AOPEP: variants seen among roughly 807,000 people sequenced by gnomAD.
AOPEP encodes aminopeptidase O.
Under a neutral mutation model 98.1 loss-of-function variants are expected in AOPEP, and 77 were observed. The observed-to-expected ratio is 0.78, with a 90% CI of 0.65 to 0.95. The LOEUF is 0.95. Ranked by LOEUF, AOPEP falls within the 40% of genes least tolerant of loss-of-function variation. The probability of loss-of-function intolerance (pLI) is 0.00; values close to 1 mark genes in which losing one functional copy is unlikely to be tolerated. For synonymous variants in AOPEP, 346 were observed against 365.3 expected, an observed-to-expected ratio of 0.95 and a Z score of 0.60; for missense variants, 1,024 against 1,024.7, an observed-to-expected ratio of 1.00 and a Z score of 0.01.
chr9:94,808,928 T>C (rs1325140792), intron 5 of AOPEP, among the ~76,000 whole-genome samples: 1 of 152,224 alleles, frequency 6.6e-6, no homozygotes, highest in Non-Finnish European at 1.5e-5. Context: ...AGGATGGTGC[T>C]TTTCTTTGGG....
intron 9 of AOPEP, among the ~76,000 whole-genome samples, chr9:94,957,820 C>T (rs1322361525): frequency 6.6e-6 from 1 of 152,182 alleles, no homozygotes; most frequent in Non-Finnish European, 1.5e-5. Context: ...ACTTTTGTGT[C>T]TAGCTTTATT....
rs866193964 is a variant in AOPEP, at chr9:94,930,199, C to T, written c.1661+1668C>T. ...TGGAGTGCCTGTGACAGATGCAAGA[C>T]GCAGACCTATTTGAAATGTGTTTTG... On this transcript the variant is annotated intron_variant, in intron 7 of 16. Coordinates refer to ENST00000375315, the MANE Select transcript of AOPEP (RefSeq NM_001193329.3). The surrounding 1 kb of genome is among the most constrained non-coding windows in gnomAD (Gnocchi z 4.5). Among the ~76,000 whole-genome samples the T allele has an allele frequency of 3.3e-4, 50 of 152,190 alleles. No homozygotes were observed. Among genetic ancestry groups the T allele is most frequent in the African/African-American group, 1.1e-3 (44 of 41,448 alleles).
rs1587939863 is a variant in AOPEP, at chr9:95,077,982, A to G, written c.2233-2712A>G. ...TGTCTTCTCAGCATCCTGTCGCCGA[A>G]ATATTGACATACACTTAGCTCTTTA... On this transcript the variant is annotated intron_variant, in intron 14 of 16. Coordinates refer to ENST00000375315, the MANE Select transcript of AOPEP (RefSeq NM_001193329.3). 3.3e-5 allele frequency among the ~76,000 whole-genome samples: 5 copies of G among 152,300 alleles called. 1 individual carries two copies. Among genetic ancestry groups the G allele is most frequent in the Admixed American group, 3.3e-4 (5 of 15,286 alleles).
intron 16 of AOPEP, 87 bp downstream of exon 16, chr9:95,082,806 G>A (rs2069992794): frequency 1.0e-5 from 15 of 1,457,140 alleles, no homozygotes; most frequent in Non-Finnish European, 1.4e-5. Flanking sequence ...CGAATAGTTA[G>A]CCAAGACTAC....
intron 13 of AOPEP, chr9:95,018,926 G>A (rs187545030): frequency 2.0e-5 from 3 of 152,320 alleles, no homozygotes; most frequent in East Asian, 1.9e-4. Flanking sequence ...CACAGAAGGC[G>A]GTGGAAGGCT....
chr9:94,973,456 A>G (rs988844237), intron 10 of AOPEP, among the ~76,000 whole-genome samples: 1 of 152,258 alleles, frequency 6.6e-6, no homozygotes, highest in South Asian at 2.1e-4. Context: ...CTGGCTTTAC[A>G]CACAGCTTGT....
At chr9:95,051,252 G>C (rs773039119) in intron 13 of AOPEP, among the ~76,000 whole-genome samples, 1 of 151,952 alleles carries the variant, frequency 6.6e-6, no homozygotes, top group Admixed American at 6.6e-5. Flanking sequence ...ACCACACCCA[G>C]CTAATTTTTG....
At chr9:94,790,020 C>T (rs1845323867) in intron 3 of AOPEP, among the ~76,000 whole-genome samples, 1 of 151,554 alleles carries the variant, frequency 6.6e-6, no homozygotes, top group Non-Finnish European at 1.5e-5. Flanking sequence ...ACTACAGGCG[C>T]CCACCATCAC....
the AOPEP span, among the ~76,000 whole-genome samples, chr9:95,109,911 G>A: frequency 2.0e-5 from 3 of 152,284 alleles, no homozygotes; most frequent in Admixed American, 6.5e-5. Context: ...CAAGAGGTAC[G>A]TATCATTCAT....
chr9:95,069,238 C>T (rs1387248232), intron 14 of AOPEP, among the ~76,000 whole-genome samples: 1 of 152,164 alleles, frequency 6.6e-6, no homozygotes, highest in Non-Finnish European at 1.5e-5. Context: ...TCAGCCATCC[C>T]TCAGACTTGG....
At chr9:95,107,058 A>G in the AOPEP span, 2 of 1,614,086 alleles carry the variant, frequency 1.2e-6, no homozygotes, top group Non-Finnish European at 1.7e-6. Flanking sequence ...GACCACAGGG[A>G]GACTTACCAG....
chr9:95,133,461 A>G, the AOPEP span, among the ~76,000 whole-genome samples: 2 of 152,202 alleles, frequency 1.3e-5, no homozygotes, highest in South Asian at 4.1e-4. Flanking sequence ...AAGCTGTGTG[A>G]CTCGTGGGAG....
chr9:94,929,634 A>G (rs1422797292), intron 7 of AOPEP, among the ~76,000 whole-genome samples: 1 of 152,154 alleles, frequency 6.6e-6, no homozygotes, highest in Non-Finnish European at 1.5e-5. Context: ...CCCCAAAGCC[A>G]TTGTTCCAGC....
chr9:95,105,294 G>A, the AOPEP span, among the ~76,000 whole-genome samples: 3 of 152,202 alleles, frequency 2.0e-5, no homozygotes, highest in Non-Finnish European at 1.5e-5. Context: ...TCACGTTTCA[G>A]TCAGGCCCGG....
At chr9:95,041,705 A>G (rs1213901274) in intron 13 of AOPEP, among the ~76,000 whole-genome samples, 1 of 152,076 alleles carries the variant, frequency 6.6e-6, no homozygotes, top group Non-Finnish European at 1.5e-5. Flanking sequence ...TCGCTCTTAG[A>G]TTTGATCAAG....
At chr9:95,117,605 A>AAAATAAT in the AOPEP span, among the ~76,000 whole-genome samples, 142,465 of 151,916 alleles carry the variant, frequency 0.94, 66,817 homozygotes, top group Middle Eastern at 0.98. Flanking sequence ...CTGGGACTTA[A>AAAATAAT]AAATTTATGC....
chr9:94,768,879 C>T (rs946830607), intron 2 of AOPEP, among the ~76,000 whole-genome samples: 2 of 152,242 alleles, frequency 1.3e-5, no homozygotes, highest in African/African-American at 4.8e-5. Context: ...TGGAGAATTT[C>T]AGGCTGCTGC....
chr9:95,122,661 G>A, the AOPEP span, among the ~76,000 whole-genome samples: 2 of 152,138 alleles, frequency 1.3e-5, no homozygotes, highest in African/African-American at 4.8e-5. Flanking sequence ...AATCCATAGT[G>A]CCCACGGCCA....
At chr9:95,013,119 C>G (rs1039084261) in intron 13 of AOPEP, among the ~76,000 whole-genome samples, 24 of 151,568 alleles carry the variant, frequency 1.6e-4, no homozygotes, top group African/African-American at 4.8e-5. Flanking sequence ...CCTTTGCTTT[C>G]CTCTGAAAAT....
Sources: gnomAD v4.1 joint callset for allele counts (sites outside exome capture counted in the v4.1 genomes callset) on GRCh38, gnomAD v4.1.1 for gene constraint, Gnocchi (gnomAD v3.1) non-coding constraint, MANE v1.5 for transcripts, NCBI Gene and HGNC (gene_info 2026-07-23, HGNC 2026-07-21) for gene names.